Variants in KCND3 observed in about 807,000 individuals in gnomAD.
The protein encoded by KCND3 is potassium voltage-gated channel subfamily D member 3.
Under a neutral mutation model 51.1 loss-of-function variants are expected in KCND3, and 9 were observed. The observed-to-expected ratio is 0.18, with a 90% CI of 0.11 to 0.31. KCND3 has a LOEUF of 0.31. Among genes scored for constraint, KCND3 ranks in the 10% least tolerant of loss-of-function variants. The pLI is 1.00. For missense variants in KCND3, 526 were observed against 903.8 expected (o/e 0.58, Z 5.36); for synonymous variants, 349 against 368.0 (o/e 0.95, Z 0.59).
intron 2 of KCND3, among the ~76,000 whole-genome samples, chr1:111,823,044 G>A (rs528427745): frequency 6.6e-6 from 1 of 152,210 alleles, no homozygotes; most frequent in African/African-American, 2.4e-5. Flanking sequence ...GACGGCGGGG[G>A]ACCCACGGGG....
At chr1:111,969,553 G>A (rs940235517) in intron 2 of KCND3, among the ~76,000 whole-genome samples, 10 of 152,174 alleles carry the variant, frequency 6.6e-5, no homozygotes, top group Non-Finnish European at 1.2e-4. Flanking sequence ...ACAAAACACA[G>A]ATAATAGTAA....
intron 2 of KCND3, among the ~76,000 whole-genome samples, chr1:111,866,719 G>A (rs540758654): frequency 7.9e-5 from 12 of 152,148 alleles, no homozygotes; most frequent in African/African-American, 2.9e-4. Context: ...ATCGCTTGAG[G>A]TCAGGAGTTT....
intron 2 of KCND3, among the ~76,000 whole-genome samples, chr1:111,787,808 A>G (rs962909400): frequency 1.3e-5 from 2 of 152,226 alleles, no homozygotes; most frequent in African/African-American, 4.8e-5. Context: ...TATTTACCTC[A>G]CATAAGCCCC....
intron 2 of KCND3, among the ~76,000 whole-genome samples, chr1:111,972,284 T>C (rs1409969539): frequency 6.7e-6 from 1 of 148,568 alleles, no homozygotes; most frequent in Non-Finnish European, 1.5e-5. Context: ...GCCATTCTCC[T>C]GCCTCAGCCT....
chr1:111,919,310 G>T (rs1266437536), intron 2 of KCND3, among the ~76,000 whole-genome samples: 1 of 151,764 alleles, frequency 6.6e-6, no homozygotes, highest in Non-Finnish European at 1.5e-5. Context: ...GGGACCAAAG[G>T]GAGGCTGATG....
At chr1:111,784,566 T>C (rs569932033) in intron 3 of KCND3, among the ~76,000 whole-genome samples, 2 of 152,156 alleles carry the variant, frequency 1.3e-5, no homozygotes, top group African/African-American at 4.8e-5. Context: ...CAGCTCCCAA[T>C]TATGTGGTCT....
intron 2 of KCND3, among the ~76,000 whole-genome samples, chr1:111,958,474 A>T (rs1310201310): frequency 6.6e-6 from 1 of 152,202 alleles, no homozygotes; most frequent in Non-Finnish European, 1.5e-5. Flanking sequence ...TAGTTCTCTG[A>T]TGTATGACCA....
intron 2 of KCND3, among the ~76,000 whole-genome samples, chr1:111,931,070 A>G (rs1671948210): frequency 6.6e-6 from 1 of 152,236 alleles, no homozygotes; most frequent in Non-Finnish European, 1.5e-5. Flanking sequence ...TACAAAGGAA[A>G]GCACAGAAGA....
At chr1:111,836,974 A>G (rs546760) in intron 2 of KCND3, among the ~76,000 whole-genome samples, 55,707 of 152,016 alleles carry the variant, frequency 0.37, 10,712 homozygotes, top group East Asian at 0.65. Context: ...CTGTGAATTG[A>G]CACAAAAGGA....
intron 2 of KCND3, among the ~76,000 whole-genome samples, chr1:111,805,769 C>T (rs931486070): frequency 1.4e-4 from 22 of 152,194 alleles, no homozygotes; most frequent in African/African-American, 4.6e-4. Flanking sequence ...CCTGTGTGGA[C>T]GGTGTGAAAA....
intron 2 of KCND3, among the ~76,000 whole-genome samples, chr1:111,932,859 C>T (rs759487033): frequency 2.6e-5 from 4 of 152,182 alleles, no homozygotes; most frequent in South Asian, 2.1e-4. Flanking sequence ...TGGTGGTATG[C>T]ATTGCTCTGG....
intron 2 of KCND3, among the ~76,000 whole-genome samples, chr1:111,854,223 G>T (rs4839177): frequency 2.0e-5 from 3 of 152,094 alleles, no homozygotes; most frequent in Admixed American, 2.0e-4. Flanking sequence ...TCTTGACCAG[G>T]GGGTAGAGAT....
intron 3 of KCND3, among the ~76,000 whole-genome samples, chr1:111,784,589 A>T (rs1416165593): frequency 6.6e-6 from 1 of 152,186 alleles, no homozygotes. Flanking sequence ...GCTGAGAACT[A>T]TCATTAGTTT....
intron 2 of KCND3, among the ~76,000 whole-genome samples, chr1:111,931,108 GAGA>G (rs770459426): frequency 6.6e-5 from 10 of 152,336 alleles, no homozygotes; most frequent in African/African-American, 2.2e-4. Context: ...TGCCTCGTAT[GAGA>G]AGGAGAGGGA....
chr1:111,910,006 G>A (rs796177100), intron 2 of KCND3: 18 of 152,324 alleles, frequency 1.2e-4, no homozygotes, highest in African/African-American at 4.1e-4. Context: ...TAGGTTTCAC[G>A]TTTTGGCGAG....
chr1:111,967,989 A>G (rs1443156962), intron 2 of KCND3, among the ~76,000 whole-genome samples: 1 of 152,230 alleles, frequency 6.6e-6, no homozygotes, highest in Non-Finnish European at 1.5e-5. Flanking sequence ...CAGCTCAGGC[A>G]TAAAGCACTT....
At position 111,944,105 on chromosome 1, in the gene KCND3, T is replaced by A. The variant is rs577027183; in HGVS notation, c.1106+37516A>T. On this transcript the variant is annotated intron_variant, in intron 2 of 7. Coordinates refer to ENST00000302127, the MANE Select transcript of KCND3 (RefSeq NM_001378969.1). ...TAAATATAAAAGAGGAGGGGAAAACTACATTAAAAATCCAATCAAGTGGCT... is the reference window on the plus strand; with the variant it reads ...TAAATATAAAAGAGGAGGGGAAAACAACATTAAAAATCCAATCAAGTGGCT... Among the ~76,000 whole-genome samples, 224 of 152,290 alleles carry A rather than the reference T, an allele frequency of 1.5e-3. 2 individuals carry two copies. The highest frequency in any genetic ancestry group is 4.8e-3 in the African/African-American group (201 of 41,570).
chr1:111,855,386 T>C (rs1668018192), intron 2 of KCND3, among the ~76,000 whole-genome samples: 1 of 152,184 alleles, frequency 6.6e-6, no homozygotes, highest in African/African-American at 2.4e-5. Context: ...GGGAGGCGTG[T>C]TCCAGCAAGT....
rs1180969921 is a variant in KCND3, at chr1:111,773,408, CTTTTTTTTTTTCTTTTCTT to C, written c.*2650_*2668del. 420 of 135,930 alleles carry C rather than the reference CTTTTTTTTTTTCTTTTCTT, an allele frequency of 3.1e-3. No individual in the cohort carries two copies. The highest frequency in any genetic ancestry group is 0.01 in the African/African-American group (374 of 36,192). 8.4% of individuals were successfully genotyped at this position (135,930 alleles called of 1,614,324 possible). ...TGTGCAACCAGTTCTAATTTACCTC[CTTTTTTTTTTTCTTTTCTT>C]TTTTTTTTTTTTGAGACGGAGTCTT... On this transcript the variant is annotated 3_prime_UTR_variant, in exon 8 of 8. Transcript: ENST00000302127.
Sources: allele counts gnomAD v4.1 joint callset (sites outside exome capture counted in the v4.1 genomes callset), GRCh38; gene constraint gnomAD v4.1.1; transcripts MANE v1.5; gene names NCBI Gene and HGNC (gene_info 2026-07-23, HGNC 2026-07-21).